NRXN3: variants seen among roughly 807,000 people sequenced by gnomAD.
The protein encoded by NRXN3 is neurexin III.
In NRXN3, 32 loss-of-function variants were observed where a neutral mutation model predicts 137.6. That is an observed-to-expected ratio of 0.23 (90% confidence interval 0.18 to 0.31). NRXN3 has a LOEUF of 0.31. Ranked by LOEUF, NRXN3 falls within the 10% of genes least tolerant of loss-of-function variation. The probability of loss-of-function intolerance (pLI) is 1.00; values close to 1 mark genes in which losing one functional copy is unlikely to be tolerated. For synonymous variants in NRXN3, 798 were observed against 784.5 expected (o/e 1.02, Z -0.29); for missense variants, 1,574 against 2,062.5 (o/e 0.76, Z 4.59).
At chr14:78,532,714 T>C (rs1202530554) in intron 4 of NRXN3, among the ~76,000 whole-genome samples, 1 of 152,052 alleles carries the variant, frequency 6.6e-6, no homozygotes, top group African/African-American at 2.4e-5. Context: ...TTAGCTCCCA[T>C]CTTTGTTTAT....
chr14:78,865,165 A>G (rs938729595), intron 10 of NRXN3, among the ~76,000 whole-genome samples: 1 of 152,200 alleles, frequency 6.6e-6, no homozygotes, highest in African/African-American at 2.4e-5. Flanking sequence ...TGAAAAAAAG[A>G]CAAGGAAGGT....
chr14:78,622,324 A>T (rs1389938836), intron 4 of NRXN3, among the ~76,000 whole-genome samples: 6 of 152,216 alleles, frequency 3.9e-5, no homozygotes, highest in Non-Finnish European at 5.9e-5. Flanking sequence ...GTACTTTGGT[A>T]TATCTCATGC....
intron 10 of NRXN3, among the ~76,000 whole-genome samples, chr14:78,944,410 T>G (rs1400073065): frequency 6.6e-6 from 1 of 152,202 alleles, no homozygotes; most frequent in Non-Finnish European, 1.5e-5. Context: ...GAATCACCTG[T>G]GTGGTGGGCT....
At chr14:78,241,577 G>A (rs1228974570) in intron 1 of NRXN3, among the ~76,000 whole-genome samples, 1 of 151,378 alleles carries the variant, frequency 6.6e-6, no homozygotes, top group African/African-American at 2.4e-5. Flanking sequence ...CCGAGCTCAC[G>A]CCACTGCATT....
At chr14:78,659,489 G>A (rs2097816851) in intron 6 of NRXN3, among the ~76,000 whole-genome samples, 1 of 151,980 alleles carries the variant, frequency 6.6e-6, no homozygotes, top group Non-Finnish European at 1.5e-5. Context: ...GACCAGCCTG[G>A]TAAACTTAAG....
intron 2 of NRXN3, among the ~76,000 whole-genome samples, chr14:78,266,773 C>T (rs150233983): frequency 6.6e-6 from 1 of 152,236 alleles, no homozygotes; most frequent in Non-Finnish European, 1.5e-5. Context: ...AGCTTTACAA[C>T]ACCTCCTTAC....
At position 78,569,595 on chromosome 14, in the gene NRXN3, C is replaced by T. The variant is rs191443144; in HGVS notation, c.758-75525C>T. Among the ~76,000 whole-genome samples, 100 of 142,750 alleles carry T rather than the reference C, an allele frequency of 7.0e-4. No homozygotes were observed. The East Asian group carries it at 0.016, about 23-fold the overall frequency. The allele number at this position is 142,750 out of a possible 152,430, so 93.6% of individuals were successfully genotyped here. ...TTATTTTTTTTTGAGATGGAGTCTCCCTCTGTCACCCAGGCTGGAGTGCAG... is the reference window on the plus strand; with the variant it reads ...TTATTTTTTTTTGAGATGGAGTCTCTCTCTGTCACCCAGGCTGGAGTGCAG... On this transcript the variant is annotated intron_variant, in intron 4 of 20. Coordinates refer to ENST00000335750, the MANE Select transcript of NRXN3 (RefSeq NM_001330195.2).
At chr14:79,330,541 T>C in intron 15 of NRXN3, among the ~76,000 whole-genome samples, 1 of 152,070 alleles carries the variant, frequency 6.6e-6, no homozygotes, top group East Asian at 1.9e-4. Flanking sequence ...TTTGAGTTGA[T>C]GTTGGGTTGC....
intron 15 of NRXN3, among the ~76,000 whole-genome samples, chr14:79,102,285 A>G (rs903131290): frequency 2.0e-5 from 3 of 152,204 alleles, no homozygotes; most frequent in Non-Finnish European, 4.4e-5. Flanking sequence ...ATTTGAGAAC[A>G]TAATGAGAAC....
At chr14:79,795,846 T>C (rs2099159501) in intron 19 of NRXN3, among the ~76,000 whole-genome samples, 1 of 152,210 alleles carries the variant, frequency 6.6e-6, no homozygotes, top group Admixed American at 6.5e-5. Context: ...TTTTGGGATG[T>C]ACTAACATGC....
chr14:79,137,040 T>C (rs1168801728), intron 15 of NRXN3, among the ~76,000 whole-genome samples: 1 of 152,200 alleles, frequency 6.6e-6, no homozygotes, highest in Non-Finnish European at 1.5e-5. Context: ...TTGAGGACCA[T>C]GAAATTCTAA....
At chr14:79,158,291 T>A (rs1199644197) in intron 15 of NRXN3, among the ~76,000 whole-genome samples, 5 of 151,864 alleles carry the variant, frequency 3.3e-5, no homozygotes, top group African/African-American at 9.7e-5. Context: ...ACATAAGTTA[T>A]AACTTATTTA....
chr14:78,419,814 G>A (rs1425868309), intron 4 of NRXN3, among the ~76,000 whole-genome samples: 1 of 152,154 alleles, frequency 6.6e-6, no homozygotes, highest in Non-Finnish European at 1.5e-5. Flanking sequence ...CCATGTCTTG[G>A]CACTGACATG....
intron 10 of NRXN3, among the ~76,000 whole-genome samples, chr14:78,883,207 T>C (rs1165792836): frequency 6.6e-6 from 1 of 152,178 alleles, no homozygotes; most frequent in Non-Finnish European, 1.5e-5. Context: ...TAAACTAATA[T>C]ATAAGCCTTA....
chr14:79,664,826 T>G (rs151160661), intron 17 of NRXN3, among the ~76,000 whole-genome samples: 18 of 152,232 alleles, frequency 1.2e-4, no homozygotes, highest in Non-Finnish European at 1.5e-4. Flanking sequence ...TGTCATCTGA[T>G]GGATGCAAGA....
At chr14:78,468,394 C>T (rs190934083) in intron 4 of NRXN3, among the ~76,000 whole-genome samples, 3 of 152,144 alleles carry the variant, frequency 2.0e-5, no homozygotes, top group Admixed American at 2.0e-4. Context: ...TTCCTCACAT[C>T]TTTGAAGCCT....
rs1334156906 is a variant in NRXN3 at position 79,845,713 on chromosome 14, G to A, written c.4094-15629G>A. On this transcript the variant is annotated intron_variant, in intron 20 of 20. Transcript: ENST00000335750. ...CGGAGACGGGGAGAGAGACGGAGAC[G>A]GGGAGAGAGAGGGAGACGGGGAGAG... 3.4e-4 allele frequency among the ~76,000 whole-genome samples: 35 copies of A among 104,382 alleles called. No homozygotes were observed. The East Asian group carries it at 0.01, about 30-fold the overall frequency. The allele number at this position is 104,382 out of a possible 152,430, so 68.5% of individuals were successfully genotyped here.
At chr14:78,659,969 C>T (rs1468126277) in intron 6 of NRXN3, among the ~76,000 whole-genome samples, 1 of 152,034 alleles carries the variant, frequency 6.6e-6, no homozygotes, top group Non-Finnish European at 1.5e-5. Context: ...GGACCCATAA[C>T]ATACAGAGGC....
chr14:79,804,197 A>G (rs1224385228), intron 19 of NRXN3, among the ~76,000 whole-genome samples: 1 of 152,022 alleles, frequency 6.6e-6, no homozygotes, highest in Non-Finnish European at 1.5e-5. Flanking sequence ...TAATATATTG[A>G]GTCTTCTTAT....
Sources: allele counts gnomAD v4.1 joint callset (sites outside exome capture counted in the v4.1 genomes callset), GRCh38; gene constraint gnomAD v4.1.1; transcripts MANE v1.5; gene names NCBI Gene and HGNC (gene_info 2026-07-23, HGNC 2026-07-21).